The following FHOD1 variants were observed in gnomAD, a reference collection of about 807,000 sequenced individuals.
FHOD1 encodes formin homology 2 domain containing 1.
FHOD1 carries 89 observed loss-of-function variants against 111.6 expected under a neutral mutation model. The ratio of observed to expected loss-of-function variants is 0.80; its 90% CI spans 0.67 to 0.95. The LOEUF (loss-of-function observed/expected upper bound fraction) is 0.95, where lower values mean the gene tolerates loss of function less well. Ranked by LOEUF, FHOD1 falls within the 40% of genes least tolerant of loss-of-function variation. FHOD1 has a pLI of 0.00. For synonymous variants in FHOD1, 618 were observed against 639.0 expected (o/e 0.97, Z 0.50); for missense variants, 1,446 against 1,554.2 (o/e 0.93, Z 1.17).
At chr16:67,236,300 CGGGAGACATGACAAG>C in intron 11 of FHOD1, 1 of 1,130,094 alleles carries the variant, frequency 8.8e-7, no homozygotes, top group Non-Finnish European at 1.2e-6. Flanking sequence ...AGATAGTGGG[CGGGAGACATGACAAG>C]AGGCAAAGAC....
At chr16:67,236,473 G>A in intron 11 of FHOD1, 84 bp downstream of exon 11, 1 of 1,556,296 alleles carries the variant, frequency 6.4e-7, no homozygotes, top group Non-Finnish European at 8.7e-7. Flanking sequence ...TTTGGGCAGA[G>A]GAGGCTGAGT....
Position 67,237,817 on chromosome 16 carries a change from G to T in FHOD1, c.643-49C>A. The T allele has an allele frequency of 6.5e-7, 1 of 1,536,062 alleles. No homozygotes were observed. The highest frequency in any genetic ancestry group is 2.3e-5 in the East Asian group (1 of 44,378). Reference sequence around the variant, plus strand: ...TGAGTGGGGCTTAGGCCAGACCTGTGCCAGCTGTTGCTGGGGAAGGGGAAG... The same window carrying T: ...TGAGTGGGGCTTAGGCCAGACCTGTTCCAGCTGTTGCTGGGGAAGGGGAAG... On this transcript the variant is annotated intron_variant, in intron 6 of 21. Coordinates refer to ENST00000258201, the MANE Select transcript of FHOD1 (RefSeq NM_013241.3). The surrounding 1 kb of genome is among the most constrained non-coding windows in gnomAD (Gnocchi z 5.6).
At position 67,237,206 on chromosome 16, in the gene FHOD1, C is replaced by T. The variant is rs2034519746; in HGVS notation, c.993+33G>A. On this transcript the variant is annotated intron_variant, in intron 9 of 21. Transcript: ENST00000258201. The surrounding 1 kb of genome is among the most constrained non-coding windows in gnomAD (Gnocchi z 5.6). ...GACTGCGCTTCTCTCTTCCCTCTTT[C>T]CAATCCGCCTCAGAGCGTAAGGCCC... The T allele has an allele frequency of 1.9e-6, 3 of 1,606,902 alleles. No individual in the cohort carries two copies. Among genetic ancestry groups the T allele is most frequent in the Non-Finnish European group, 2.6e-6 (3 of 1,175,044 alleles).
chr16:67,234,117 A>T lies in FHOD1; in HGVS notation c.1586T>A (p.Ile529Asn), dbSNP rs1203436423. Residue 529 changes from isoleucine (I) to asparagine (N), a missense_variant, in exon 13 of 22, where the codon ATC becomes AAC. This residue lies in a region of FHOD1 where 1,085 missense variants were observed against 1,108.8 expected (regional missense o/e 0.98). Transcript: ENST00000258201. ...LIPASPKAEP[I>N]WELPTRAPRL... is the part of the protein sequence containing the mutation. ...GGGTGCACGGGTAGGGAGCTCCCAG[A>T]TGGGCTCAGCCTTGGGGCTTGCTGG... The T allele has an allele frequency of 6.3e-7, 1 of 1,588,484 alleles. No individual in the cohort carries two copies. The highest frequency in any genetic ancestry group is 8.6e-7 in the Non-Finnish European group (1 of 1,164,614).
chr16:67,239,665 T>C (rs190771647), intron 1 of FHOD1, among the ~76,000 whole-genome samples: 14 of 152,338 alleles, frequency 9.2e-5, no homozygotes, highest in Non-Finnish European at 5.9e-5. Flanking sequence ...CCTTTGTTTG[T>C]ACCATCTCCT....
chr16:67,230,010 A>G lies in FHOD1; in HGVS notation c.3215-20T>C, dbSNP rs2142257767. 6.2e-7 allele frequency: 1 copy of G among 1,613,292 alleles called. No individual in the cohort carries two copies. Among genetic ancestry groups the G allele is most frequent in the Admixed American group, 1.7e-5 (1 of 59,992 alleles). ...CCATGCCTGAGGAAGGCCAGATAGC[A>G]AAGTCAGGCCAAGGTGGCACTGGAG... On this transcript the variant is annotated intron_variant, in intron 20 of 21. Transcript: ENST00000258201.
intron 11 of FHOD1, 153 bp from the exon 12 acceptor site, chr16:67,234,625 C>T (rs77703994): frequency 1.1e-4 from 70 of 621,190 alleles, no homozygotes; most frequent in Non-Finnish European, 1.7e-4. Context: ...CCACACCCCC[C>T]CCAAGGCCAG....
In FHOD1 at chr16:67,236,996, C is replaced by G. The variant is rs1459156698; in HGVS notation, c.1112G>C (p.Gly371Ala). ...GKRSRRSLEG[G>A]GCPARAPEPG... ...TTCCGGGGCACGCGCGGGGCAGCCCCCGCCTTCCAGAGAACGGCGGCTCCT... is the reference window on the plus strand; with the variant it reads ...TTCCGGGGCACGCGCGGGGCAGCCCGCGCCTTCCAGAGAACGGCGGCTCCT... The change falls in exon 10 of 22, where the codon GGG becomes GCG. Residue 371 changes from glycine (G) to alanine (A), a missense_variant. Coordinates refer to ENST00000258201, the MANE Select transcript of FHOD1 (RefSeq NM_013241.3). 1 of 1,606,234 alleles carries G rather than the reference C, an allele frequency of 6.2e-7. No homozygotes were observed. The highest frequency in any genetic ancestry group is 1.7e-5 in the Admixed American group (1 of 58,040).
rs115126006 is a variant in FHOD1 at position 67,236,337 on chromosome 16, C to T, written c.1319+220G>A. ...CAAGAGGCAAAGACAGGCAGAACGT[C>T]GGAGGAGACAAAGGAAACCACAGGA... On this transcript the variant is annotated intron_variant, in intron 11 of 21. Coordinates refer to ENST00000258201, the MANE Select transcript of FHOD1 (RefSeq NM_013241.3). The T allele has an allele frequency of 5.0e-6, 7 of 1,390,544 alleles. No individual in the cohort carries two copies. In the East Asian group the frequency reaches 1.1e-4, roughly 21 times the overall value. 86.1% of individuals were successfully genotyped at this position (1,390,544 alleles called of 1,614,324 possible).
chr16:67,245,266 G>A (rs7196267), intron 1 of FHOD1, among the ~76,000 whole-genome samples: 13,409 of 152,218 alleles, frequency 0.088, 1,962 homozygotes, highest in African/African-American at 0.3. Context: ...GGACTGCATT[G>A]GGGATGAGGA....
intron 10 of FHOD1, 115 bp downstream of exon 10, chr16:67,236,851 G>C: frequency 5.0e-6 from 7 of 1,408,898 alleles, no homozygotes; most frequent in Non-Finnish European, 6.7e-6. Flanking sequence ...CCCAGTGGAG[G>C]AGGTGGGGGC....
intron 1 of FHOD1, among the ~76,000 whole-genome samples, chr16:67,243,196 G>A (rs1156958289): frequency 1.3e-5 from 2 of 151,948 alleles, no homozygotes; most frequent in Non-Finnish European, 2.9e-5. Context: ...TGCCTCTTTT[G>A]TCTCCTTTCC....
In FHOD1 at chr16:67,237,500, A is replaced by G. The variant is rs2034533984; in HGVS notation, c.824T>C (p.Val275Ala). 2 of 1,614,074 alleles carry G rather than the reference A, an allele frequency of 1.2e-6. No individual in the cohort carries two copies. Among genetic ancestry groups the G allele is most frequent in the Non-Finnish European group, 1.7e-6 (2 of 1,180,034 alleles). The change falls in exon 8 of 22, where the codon GTG becomes GCG. Residue 275 changes from valine (V) to alanine (A), a missense_variant. Transcript: ENST00000258201. The surrounding 1 kb of genome is among the most constrained non-coding windows in gnomAD (Gnocchi z 5.6). ...EKNGADPELL[V>A]YTVTLINKTL... The stretch of plus-strand genomic sequence containing the variant: ...CTTGTTGATGAGGGTGACCGTGTAC[A>G]CCAACAACTCAGGGTCAGCGCCATT...
In FHOD1 at chr16:67,231,856, A is replaced by G; in HGVS notation, c.2203-37T>C. 6.2e-7 allele frequency: 1 copy of G among 1,600,516 alleles called. No homozygotes were observed. The highest frequency in any genetic ancestry group is 8.5e-7 in the Non-Finnish European group (1 of 1,172,086). ...GCCAGAGCCTGACATGGCCCCCTCA[A>G]TGCAGGCCTGAGGCCTGAGGCATTG... On this transcript the variant is annotated intron_variant, in intron 14 of 21. Coordinates refer to ENST00000258201, the MANE Select transcript of FHOD1 (RefSeq NM_013241.3). The surrounding 1 kb of genome is among the most constrained non-coding windows in gnomAD (Gnocchi z 4.3).
intron 11 of FHOD1, chr16:67,234,821 G>A (rs1597321996): frequency 8.0e-6 from 2 of 249,248 alleles, no homozygotes; most frequent in East Asian, 1.9e-4. Context: ...CCAGGCTGGA[G>A]TACAGTGGTG....
At chr16:67,241,031 A>C (rs1030597534) in intron 1 of FHOD1, among the ~76,000 whole-genome samples, 1 of 146,732 alleles carries the variant, frequency 6.8e-6, no homozygotes, top group Non-Finnish European at 1.5e-5. Flanking sequence ...CTCAACCCCT[A>C]CCTCTGTTTA....
At position 67,234,234 on chromosome 16, in the gene FHOD1, G is replaced by A. The variant is rs1299088267; in HGVS notation, c.1469C>T (p.Ala490Val). 2.6e-6 allele frequency: 4 copies of A among 1,548,886 alleles called. No individual in the cohort carries two copies. The highest frequency in any genetic ancestry group is 2.7e-5 in the African/African-American group (2 of 73,150). Reference sequence around the variant, plus strand: ...GCTCTGGGGTGTTCTGGCTGCAGGGGCTGTCTCTGGGGAGTCCCAGAGTTG... The same window carrying A: ...GCTCTGGGGTGTTCTGGCTGCAGGGACTGTCTCTGGGGAGTCCCAGAGTTG... ...ARQLWDSPET[A>V]PAARTPQSPA... Residue 490 changes from alanine to valine, a missense_variant, in exon 13 of 22, where the codon GCC becomes GTC. Transcript: ENST00000258201.
At chr16:67,246,705 C>A (rs1211192817) in intron 1 of FHOD1, among the ~76,000 whole-genome samples, 2 of 152,198 alleles carry the variant, frequency 1.3e-5, no homozygotes, top group Admixed American at 1.3e-4. Context: ...GGCCGGCACT[C>A]CCATACTCCC....
intron 2 of FHOD1, 100 bp downstream of exon 2, chr16:67,239,248 T>C: frequency 1.0e-6 from 1 of 959,032 alleles, no homozygotes; most frequent in East Asian, 2.4e-5. Context: ...AGGTGACCCA[T>C]GGCTCAGGCT....
Sources: allele counts gnomAD v4.1 joint callset (sites outside exome capture counted in the v4.1 genomes callset), GRCh38; gene constraint gnomAD v4.1.1; regional missense constraint gnomAD v4.1.1; non-coding constraint Gnocchi (gnomAD v3.1); transcripts MANE v1.5; gene names NCBI Gene and HGNC (gene_info 2026-07-23, HGNC 2026-07-21).